Variants in BACE2 observed in about 807,000 individuals in gnomAD.
BACE2 encodes beta-secretase 2.
BACE2 carries 17 observed loss-of-function variants against 46.2 expected under a neutral mutation model. The observed-to-expected ratio is 0.37, with a 90% confidence interval of 0.25 to 0.55. BACE2 has a LOEUF of 0.55. Ranked by LOEUF, BACE2 falls within the 20% of genes least tolerant of loss-of-function variation. The pLI, the probability that BACE2 is intolerant of heterozygous loss-of-function variation, is 0.82. For missense variants in BACE2, 595 were observed against 698.1 expected, an observed-to-expected ratio of 0.85 and a Z score of 1.66; for synonymous variants, 277 against 295.9, an observed-to-expected ratio of 0.94 and a Z score of 0.66.
At chr21:41,240,953 G>A (rs73366468) in intron 3 of BACE2, among the ~76,000 whole-genome samples, 27,044 of 152,064 alleles carry the variant, frequency 0.18, 2,693 homozygotes, top group African/African-American at 0.27. Flanking sequence ...TGCCTATAGC[G>A]TCTGTGCTAC....
chr21:41,169,357 A>G (rs1336460372), intron 1 of BACE2, among the ~76,000 whole-genome samples: 1 of 152,056 alleles, frequency 6.6e-6, no homozygotes, highest in Non-Finnish European at 1.5e-5. Flanking sequence ...ACACAAAAAT[A>G]AAATCAAACA....
intron 8 of BACE2, among the ~76,000 whole-genome samples, chr21:41,263,588 C>T (rs1465157227): frequency 6.6e-6 from 1 of 152,170 alleles, no homozygotes; most frequent in Non-Finnish European, 1.5e-5. Flanking sequence ...TTCCGAATCA[C>T]AATTTAGCTA....
chr21:41,184,969 A>G (rs955795736), intron 1 of BACE2: 3 of 167,208 alleles, frequency 1.8e-5, no homozygotes, highest in African/African-American at 7.2e-5. Flanking sequence ...TCTAACTTGT[A>G]TTTAACCCAA....
At chr21:41,267,051 G>T (rs1322479737) in intron 8 of BACE2, among the ~76,000 whole-genome samples, 1 of 152,026 alleles carries the variant, frequency 6.6e-6, no homozygotes, top group Non-Finnish European at 1.5e-5. Flanking sequence ...GTGAGTGGGA[G>T]CTCCTTGATT....
chr21:41,194,063 T>C (rs1985659844), intron 1 of BACE2, among the ~76,000 whole-genome samples: 1 of 152,198 alleles, frequency 6.6e-6, no homozygotes, highest in Non-Finnish European at 1.5e-5. Context: ...GTCTGTAAAC[T>C]AGCTCAAGTC....
intron 1 of BACE2, chr21:41,179,034 G>T: frequency 1.9e-6 from 2 of 1,065,306 alleles, no homozygotes; most frequent in South Asian, 1.7e-5. Flanking sequence ...GGGAAAGCGT[G>T]TCCCAGGCTG....
chr21:41,248,371 G>A (rs967873065), intron 6 of BACE2, among the ~76,000 whole-genome samples: 6 of 152,196 alleles, frequency 3.9e-5, no homozygotes, highest in Admixed American at 1.3e-4. Flanking sequence ...CCGAATCTGA[G>A]GTGAGCTCCC....
chr21:41,196,559 A>G (rs1339595277), intron 1 of BACE2, among the ~76,000 whole-genome samples: 1 of 151,734 alleles, frequency 6.6e-6, no homozygotes, highest in Non-Finnish European at 1.5e-5. Flanking sequence ...AAGTGAGAAT[A>G]GCAAGGTAGA....
intron 1 of BACE2, among the ~76,000 whole-genome samples, chr21:41,204,141 C>T (rs1343417518): frequency 6.6e-6 from 1 of 152,126 alleles, no homozygotes; most frequent in African/African-American, 2.4e-5. Flanking sequence ...TTCAGCCTCC[C>T]GAGTAGCTGG....
intron 2 of BACE2, among the ~76,000 whole-genome samples, chr21:41,234,177 C>T (rs1987047329): frequency 1.3e-5 from 2 of 152,108 alleles, no homozygotes; most frequent in African/African-American, 4.8e-5. Context: ...AGGGGAAATC[C>T]CTTTCACTGG....
At chr21:41,262,299 T>C (rs540112083) in intron 8 of BACE2, among the ~76,000 whole-genome samples, 1 of 152,294 alleles carries the variant, frequency 6.6e-6, no homozygotes, top group South Asian at 2.1e-4. Context: ...TAAATGTTTT[T>C]TTGCAAGGTA....
intron 1 of BACE2, among the ~76,000 whole-genome samples, chr21:41,211,877 G>T (rs28360503): frequency 3.3e-5 from 5 of 152,112 alleles, no homozygotes; most frequent in African/African-American, 1.2e-4. Flanking sequence ...CTTTCTGTAG[G>T]GTTATTGCCC....
intron 6 of BACE2, among the ~76,000 whole-genome samples, chr21:41,250,071 G>A (rs1449361176): frequency 1.3e-5 from 2 of 152,148 alleles, no homozygotes; most frequent in Non-Finnish European, 2.9e-5. Context: ...GAGAAGACTT[G>A]GATTCTAGTG....
chr21:41,228,208 G>A (rs1001425952), intron 2 of BACE2, among the ~76,000 whole-genome samples: 16 of 152,208 alleles, frequency 1.1e-4, no homozygotes, highest in African/African-American at 7.2e-5. Flanking sequence ...TGTATAACCG[G>A]CTAATCAGTA....
chr21:41,191,312 T>A (rs1985563377), intron 1 of BACE2, among the ~76,000 whole-genome samples: 1 of 152,190 alleles, frequency 6.6e-6, no homozygotes, highest in African/African-American at 2.4e-5. Flanking sequence ...ACCAGTGCAT[T>A]CCATGAGAAT....
intron 7 of BACE2, among the ~76,000 whole-genome samples, chr21:41,256,442 A>T (rs1004671447): frequency 4.6e-5 from 7 of 152,214 alleles, no homozygotes; most frequent in African/African-American, 1.7e-4. Context: ...ATGGCTGCAT[A>T]GTATTCCATG....
intron 1 of BACE2, chr21:41,179,999 C>T (rs1985053308): frequency 5.8e-6 from 2 of 345,326 alleles, no homozygotes; most frequent in Non-Finnish European, 1.2e-5. Flanking sequence ...TTGAAGCGGC[C>T]GGCTGTGCAC....
intron 8 of BACE2, among the ~76,000 whole-genome samples, chr21:41,271,845 A>C (rs4818228): frequency 0.83 from 126,573 of 152,106 alleles, 52,894 homozygotes; most frequent in East Asian, 0.99. Context: ...ATAATTTTTG[A>C]TTTAATTGAT....
intron 1 of BACE2, among the ~76,000 whole-genome samples, chr21:41,174,259 C>T (rs1382461265): frequency 1.3e-5 from 2 of 150,856 alleles, no homozygotes; most frequent in Non-Finnish European, 1.5e-5. Flanking sequence ...TCTTCTGCCT[C>T]AGCCTCCTGA....
Sources: gnomAD v4.1 joint callset for allele counts (sites outside exome capture counted in the v4.1 genomes callset) on GRCh38, gnomAD v4.1.1 for gene constraint, MANE v1.5 for transcripts, NCBI Gene and HGNC (gene_info 2026-07-23, HGNC 2026-07-21) for gene names.